Variants in EFNA5 observed in about 807,000 individuals in gnomAD.
EFNA5 encodes the protein ephrin A5, also known as ephrin-A5.
A neutral mutation model predicts 22.9 loss-of-function variants in EFNA5; 5 were observed. The ratio of observed to expected loss-of-function variants is 0.22; its 90% confidence interval spans 0.11 to 0.46. The LOEUF (loss-of-function observed/expected upper bound fraction) is 0.46. Ranked by LOEUF, EFNA5 falls within the 20% of genes least tolerant of loss-of-function variation. The pLI is 0.99. For missense variants in EFNA5, 237 were observed against 293.3 expected, an observed-to-expected ratio of 0.81 and a Z score of 1.40; for synonymous variants, 113 against 112.2, an observed-to-expected ratio of 1.01 and a Z score of -0.04.
In EFNA5 at chr5:107,516,174, TTGTGTGTG is replaced by T. The variant is rs59824895; in HGVS notation, c.126-88673_126-88666del. On this transcript the variant is annotated intron_variant, in intron 1 of 4. Coordinates refer to ENST00000333274, the MANE Select transcript of EFNA5 (RefSeq NM_001962.3). The stretch of plus-strand genomic sequence containing the variant: ...TGGGCACCACAATGCCTGGCTAGTT[TTGTGTGTG>T]TGTGTGTGTGTGTGTGTGTGTGTGT... Among the ~76,000 whole-genome samples, 556 of 139,612 alleles carry T rather than the reference TTGTGTGTG, an allele frequency of 4.0e-3. 2 individuals carry two copies. Among genetic ancestry groups the T allele is most frequent in the African/African-American group, 0.011 (397 of 37,650 alleles). 91.6% of individuals were successfully genotyped at this position (139,612 alleles called of 152,430 possible).
intron 1 of EFNA5, among the ~76,000 whole-genome samples, chr5:107,505,947 G>C (rs949246650): frequency 1.3e-5 from 2 of 152,190 alleles, no homozygotes; most frequent in Non-Finnish European, 1.5e-5. Flanking sequence ...CAAGGTGATA[G>C]AGCTAGTGAG....
intron 1 of EFNA5, among the ~76,000 whole-genome samples, chr5:107,606,860 T>G (rs1749735327): frequency 6.6e-6 from 1 of 152,156 alleles, no homozygotes; most frequent in Admixed American, 6.6e-5. Context: ...TCTCCTGGAG[T>G]TTGCTGATGC....
chr5:107,389,107 C>T (rs2112489455), intron 2 of EFNA5, among the ~76,000 whole-genome samples: 1 of 152,284 alleles, frequency 6.6e-6, no homozygotes, highest in South Asian at 2.1e-4. Flanking sequence ...AATTTTAAAA[C>T]AAAAGTGTAG....
At chr5:107,650,201 T>C (rs1421455691) in intron 1 of EFNA5, among the ~76,000 whole-genome samples, 1 of 152,212 alleles carries the variant, frequency 6.6e-6, no homozygotes, top group East Asian at 1.9e-4. Flanking sequence ...TGCTAAGGAA[T>C]GAATTGCCTA....
intron 1 of EFNA5, among the ~76,000 whole-genome samples, chr5:107,638,662 T>C (rs1290606330): frequency 6.6e-6 from 1 of 152,202 alleles, no homozygotes; most frequent in Admixed American, 6.5e-5. Context: ...GCATATGTTA[T>C]ATGCAAACAT....
rs1748402208 is a variant in EFNA5, at chr5:107,412,709, C to A, written c.418+14508G>T. Among the ~76,000 whole-genome samples, 6 of 152,174 alleles carry A rather than the reference C, an allele frequency of 3.9e-5. No individual in the cohort carries two copies. In the South Asian group the frequency reaches 1.2e-3, roughly 31 times the overall value. ...CCACTACAGATTTGGATGTCACCCC[C>A]AAATGGTTCTCTAAGTGAGTAGACT... On this transcript the variant is annotated intron_variant, in intron 2 of 4. Transcript: ENST00000333274.
intron 1 of EFNA5, among the ~76,000 whole-genome samples, chr5:107,443,991 C>A (rs17533525): frequency 3.3e-5 from 5 of 152,036 alleles, no homozygotes; most frequent in African/African-American, 1.2e-4. Context: ...ATGGAACAAT[C>A]CTTATTCTTC....
chr5:107,406,281 T>C (rs985088847), intron 2 of EFNA5, among the ~76,000 whole-genome samples: 6 of 151,856 alleles, frequency 4.0e-5, no homozygotes, highest in Admixed American at 3.9e-4. Context: ...TACTTTTAAA[T>C]GGCAAAAAAC....
At chr5:107,669,673 T>G (rs532087453) in intron 1 of EFNA5, among the ~76,000 whole-genome samples, 1 of 152,032 alleles carries the variant, frequency 6.6e-6, no homozygotes, top group South Asian at 2.1e-4. Flanking sequence ...ACAAATCGGT[T>G]CCAGGTAATC....
intron 1 of EFNA5, among the ~76,000 whole-genome samples, chr5:107,554,962 G>T (rs1482326324): frequency 2.0e-5 from 3 of 152,160 alleles, no homozygotes; most frequent in Non-Finnish European, 1.5e-5. Context: ...CTGCCTGGCA[G>T]CTGTGCATTT....
At chr5:107,579,549 A>G (rs982542627) in intron 1 of EFNA5, among the ~76,000 whole-genome samples, 4 of 152,116 alleles carry the variant, frequency 2.6e-5, no homozygotes, top group Admixed American at 2.0e-4. Context: ...AAAAGAAAAA[A>G]AAAAGACCAC....
chr5:107,402,060 G>A (rs1168061261), intron 2 of EFNA5, among the ~76,000 whole-genome samples: 2 of 152,170 alleles, frequency 1.3e-5, no homozygotes, highest in Non-Finnish European at 2.9e-5. Context: ...TTAAACCAAA[G>A]TGGCCTAAGA....
intron 1 of EFNA5, among the ~76,000 whole-genome samples, chr5:107,569,564 T>TATATATATATATATAA (rs1328177342): frequency 4.9e-5 from 1 of 20,288 alleles, no homozygotes; most frequent in African/African-American, 1.2e-4. Flanking sequence ...TATATTTATA[T>TATATATATATATATAA]ATATATATAT....
At chr5:107,412,909 C>T (rs1748407520) in intron 2 of EFNA5, among the ~76,000 whole-genome samples, 1 of 152,140 alleles carries the variant, frequency 6.6e-6, no homozygotes. Context: ...CAGTGTATTT[C>T]AAACTAGTTG....
intron 2 of EFNA5, among the ~76,000 whole-genome samples, chr5:107,403,097 G>A (rs921182799): frequency 3.9e-5 from 6 of 152,146 alleles, no homozygotes; most frequent in Non-Finnish European, 7.3e-5. Flanking sequence ...CTCAAGATGC[G>A]CATGACATGT....
At chr5:107,406,450 A>C (rs1332594487) in intron 2 of EFNA5, among the ~76,000 whole-genome samples, 1 of 150,842 alleles carries the variant, frequency 6.6e-6, no homozygotes, top group Admixed American at 6.6e-5. Flanking sequence ...CACCTGGAAA[A>C]CTCTCTTGCC....
intron 1 of EFNA5, among the ~76,000 whole-genome samples, chr5:107,597,082 T>A (rs2112508912): frequency 6.6e-6 from 1 of 152,316 alleles, no homozygotes; most frequent in East Asian, 1.9e-4. Context: ...ACTGTTGCAC[T>A]GATAAGAACC....
rs61689503 is a variant in EFNA5 at position 107,623,027 on chromosome 5, CAAAAAAAAAAA to C, written c.125+47451_125+47461del. On this transcript the variant is annotated intron_variant, in intron 1 of 4. Coordinates refer to ENST00000333274, the MANE Select transcript of EFNA5 (RefSeq NM_001962.3). Reference sequence around the variant, plus strand: ...TGGGTGACAGAGCGAGACTCCGTCTCAAAAAAAAAAAAAAAAAAAAAAAAAAAAAAAGTTGA... The same window carrying C: ...TGGGTGACAGAGCGAGACTCCGTCTCAAAAAAAAAAAAAAAAAAAAGTTGA... Among the ~76,000 whole-genome samples, 479 of 29,890 alleles carry C rather than the reference CAAAAAAAAAAA, an allele frequency of 0.016. 13 individuals are homozygous for C. In the East Asian group the frequency reaches 0.23, roughly 15 times the overall value. The allele number at this position is 29,890 out of a possible 152,430, so 19.6% of individuals were successfully genotyped here.
At chr5:107,564,638 T>G (rs1182604401) in intron 1 of EFNA5, among the ~76,000 whole-genome samples, 9 of 149,672 alleles carry the variant, frequency 6.0e-5, no homozygotes, top group South Asian at 4.2e-4. Context: ...TTTGTTTTTT[T>G]TTTTTTTTTT....
Sources: allele counts gnomAD v4.1 joint callset (sites outside exome capture counted in the v4.1 genomes callset), GRCh38; gene constraint gnomAD v4.1.1; transcripts MANE v1.5; gene names NCBI Gene and HGNC (gene_info 2026-07-23, HGNC 2026-07-21).